Variants in CENPP observed in about 807,000 individuals in gnomAD.
CENPP encodes the protein centromere protein P.
CENPP carries 24 observed loss-of-function variants against 35.6 expected under a neutral mutation model. That is an observed-to-expected ratio of 0.67 (90% CI 0.49 to 0.95). CENPP has a LOEUF of 0.95. Among genes scored for constraint, CENPP ranks in the 40% least tolerant of loss-of-function variants. CENPP has a pLI of 0.00. For missense variants in CENPP, 332 were observed against 345.3 expected, an observed-to-expected ratio of 0.96 and a Z score of 0.31; for synonymous variants, 120 against 125.5, an observed-to-expected ratio of 0.96 and a Z score of 0.29.
At chr9:92,472,202 C>T (rs910201705) in intron 5 of CENPP, among the ~76,000 whole-genome samples, 24 of 151,252 alleles carry the variant, frequency 1.6e-4, no homozygotes, top group African/African-American at 5.8e-4. Context: ...ACTAAGAATA[C>T]AAAAATTAGC....
At position 92,618,321 on chromosome 9, in the gene CENPP, T is replaced by C; in HGVS notation, c.*5172T>C. On this transcript the variant is annotated 3_prime_UTR_variant, in exon 8 of 8. Transcript: ENST00000375587. ...CCCTCCCCTCCCCTCCTAGTGTCGT[T>C]TCTGCTGAGCAGCTGGTCGTAAGGA... is the stretch of plus-strand genomic sequence containing the variant. 2.2e-6 allele frequency: 1 copy of C among 456,684 alleles called. No homozygotes were observed. Among genetic ancestry groups the C allele is most frequent in the Non-Finnish European group, 4.4e-6 (1 of 226,946 alleles). 28.3% of individuals were successfully genotyped at this position (456,684 alleles called of 1,614,324 possible).
At chr9:92,479,084 T>A (rs948958182) in intron 5 of CENPP, among the ~76,000 whole-genome samples, 3 of 152,020 alleles carry the variant, frequency 2.0e-5, no homozygotes, top group Non-Finnish European at 4.4e-5. Context: ...AGGTTCGAGA[T>A]GAGGAACTGG....
In CENPP at chr9:92,332,249, T is replaced by G; in HGVS notation, c.187T>G (p.Leu63Val). Residue 63 changes from leucine to valine, a missense_variant, in exon 2 of 8, where the codon TTA becomes GTA. Transcript: ENST00000375587. ...SKDLKNQLGHLESELSFLSTL... is the reference protein window; with the variant it reads ...SKDLKNQLGHVESELSFLSTL... ...AGATCTGAAAAATCAGCTTGGACATTTAGAATCAGAACTTTCATTTCTAAG... is the reference window on the plus strand; with the variant it reads ...AGATCTGAAAAATCAGCTTGGACATGTAGAATCAGAACTTTCATTTCTAAG... 6.2e-7 allele frequency: 1 copy of G among 1,613,142 alleles called. No homozygotes were observed. Among genetic ancestry groups the G allele is most frequent in the Admixed American group, 1.7e-5 (1 of 59,922 alleles).
intron 5 of CENPP, among the ~76,000 whole-genome samples, chr9:92,396,229 T>G (rs559492280): frequency 6.6e-6 from 1 of 152,352 alleles, no homozygotes; most frequent in South Asian, 2.1e-4. Context: ...TTTAACATTT[T>G]TATGCCAATA....
chr9:92,417,815 C>T (rs1843664935), intron 5 of CENPP, among the ~76,000 whole-genome samples: 1 of 152,204 alleles, frequency 6.6e-6, no homozygotes, highest in East Asian at 1.9e-4. Flanking sequence ...GCCTCCCAGG[C>T]TCCCAGGTTC....
chr9:92,545,565 C>G (rs756155350), intron 5 of CENPP, among the ~76,000 whole-genome samples: 17 of 152,358 alleles, frequency 1.1e-4, no homozygotes, highest in Admixed American at 5.9e-4. Flanking sequence ...CGAGCCTCCC[C>G]GACGAGCTCT....
chr9:92,517,624 A>G (rs1479062252), intron 5 of CENPP: 1 of 1,600,500 alleles, frequency 6.2e-7, no homozygotes, highest in East Asian at 2.2e-5. Flanking sequence ...AATTAGTAAC[A>G]AAAACAAATG....
At chr9:92,519,176 G>T (rs955203204) in intron 5 of CENPP, among the ~76,000 whole-genome samples, 3 of 151,960 alleles carry the variant, frequency 2.0e-5, no homozygotes, top group African/African-American at 7.3e-5. Flanking sequence ...TCTCTCATTC[G>T]AATACTTGCA....
intron 5 of CENPP, chr9:92,457,196 A>G: frequency 1.3e-6 from 2 of 1,489,736 alleles, no homozygotes; most frequent in African/African-American, 1.4e-5. Context: ...TTGCTTGTAT[A>G]TATAATACTA....
chr9:92,533,519 G>A (rs1848989332), intron 5 of CENPP, among the ~76,000 whole-genome samples: 1 of 150,894 alleles, frequency 6.6e-6, no homozygotes, highest in South Asian at 2.1e-4. Context: ...AAGAAAAACT[G>A]TTCTAAACCT....
chr9:92,343,270 C>T (rs1001916539), intron 3 of CENPP, among the ~76,000 whole-genome samples: 2 of 152,154 alleles, frequency 1.3e-5, no homozygotes, highest in African/African-American at 4.8e-5. Flanking sequence ...AATGATTACT[C>T]ATGTTGGTGC....
At chr9:92,415,178 G>T (rs1843552737) in intron 5 of CENPP, 1 of 1,609,592 alleles carries the variant, frequency 6.2e-7, no homozygotes, top group Non-Finnish European at 8.5e-7. Flanking sequence ...TAATAATGAA[G>T]GTCAAAGTGC....
intron 5 of CENPP, among the ~76,000 whole-genome samples, chr9:92,568,297 C>A (rs899427944): frequency 6.6e-6 from 1 of 152,146 alleles, no homozygotes; most frequent in Non-Finnish European, 1.5e-5. Context: ...CAAGTATTCT[C>A]ATTGTTCAAT....
chr9:92,580,717 C>G (rs368086872), intron 5 of CENPP, among the ~76,000 whole-genome samples: 3 of 151,802 alleles, frequency 2.0e-5, no homozygotes, highest in Non-Finnish European at 2.9e-5. Flanking sequence ...GTCTTGCTAG[C>G]GGTCTATCAA....
intron 4 of CENPP, among the ~76,000 whole-genome samples, chr9:92,347,919 C>G (rs750695372): frequency 6.6e-6 from 1 of 151,824 alleles, no homozygotes; most frequent in Non-Finnish European, 1.5e-5. Flanking sequence ...TAAGACAAAA[C>G]TTGTTTTGTT....
At chr9:92,606,370 C>T (rs894763129) in intron 5 of CENPP, among the ~76,000 whole-genome samples, 15 of 152,100 alleles carry the variant, frequency 9.9e-5, no homozygotes, top group Admixed American at 9.8e-4. Context: ...CAATGAGATA[C>T]CAACTCATGG....
chr9:92,442,975 C>T (rs1377301721), intron 5 of CENPP, among the ~76,000 whole-genome samples: 1 of 152,018 alleles, frequency 6.6e-6, no homozygotes, highest in Admixed American at 6.5e-5. Context: ...AGGAAATACT[C>T]AACTCTCTTC....
intron 5 of CENPP, among the ~76,000 whole-genome samples, chr9:92,522,072 T>G (rs1848103144): frequency 6.6e-6 from 1 of 151,710 alleles, no homozygotes; most frequent in African/African-American, 2.4e-5. Flanking sequence ...GGGGTTGTTT[T>G]GTTTTGTTTT....
chr9:92,395,497 A>C (rs1361962967), intron 5 of CENPP, among the ~76,000 whole-genome samples: 1 of 152,178 alleles, frequency 6.6e-6, no homozygotes, highest in Non-Finnish European at 1.5e-5. Flanking sequence ...GTGTGGACTT[A>C]ATGCTTTCAT....
Sources: gnomAD v4.1 joint callset for allele counts (sites outside exome capture counted in the v4.1 genomes callset) on GRCh38, gnomAD v4.1.1 for gene constraint, MANE v1.5 for transcripts, NCBI Gene and HGNC (gene_info 2026-07-23, HGNC 2026-07-21) for gene names.